The following PPFIA1 variants were observed in gnomAD, a reference collection of about 807,000 sequenced individuals.
The protein encoded by PPFIA1 is PPFI scaffold protein A1, also known as liprin-alpha-1.
PPFIA1 carries 25 observed loss-of-function variants against 149.9 expected under a neutral mutation model. That is an observed-to-expected ratio of 0.17 (90% CI 0.12 to 0.23). The LOEUF (loss-of-function observed/expected upper bound fraction) is 0.23, where lower values mean the gene tolerates loss of function less well. Among genes scored for constraint, PPFIA1 ranks in the 10% least tolerant of loss-of-function variants. The probability of loss-of-function intolerance (pLI) is 1.00; values close to 1 mark genes in which losing one functional copy is unlikely to be tolerated. For synonymous variants in PPFIA1, 549 were observed against 552.8 expected (o/e 0.99, Z 0.10); for missense variants, 1,362 against 1,506.5 (o/e 0.90, Z 1.59).
intron 16 of PPFIA1, chr11:70,351,061 C>A: frequency 9.0e-7 from 1 of 1,105,774 alleles, no homozygotes; most frequent in Non-Finnish European, 1.2e-6. Context: ...TTTGTATCTC[C>A]ATAATGTATT....
At chr11:70,279,819 G>A (rs2050637182) in intron 2 of PPFIA1, among the ~76,000 whole-genome samples, 1 of 148,760 alleles carries the variant, frequency 6.7e-6, no homozygotes, top group African/African-American at 2.5e-5. Context: ...GAACTCTTGG[G>A]CTCAAGCAGT....
chr11:70,314,833 A>G (rs926965469), intron 2 of PPFIA1, among the ~76,000 whole-genome samples: 6 of 152,212 alleles, frequency 3.9e-5, no homozygotes, highest in African/African-American at 1.4e-4. Context: ...AAAAATACCA[A>G]GACTGGGTAA....
chr11:70,272,538 G>C, intron 2 of PPFIA1, 102 bp downstream of exon 2: 1 of 1,332,182 alleles, frequency 7.5e-7, no homozygotes, highest in South Asian at 1.5e-5. Context: ...TTTCCGTAAC[G>C]ATTTGTGAAA....
At chr11:70,355,571 T>C in intron 17 of PPFIA1, 68 bp from the exon 18 acceptor site, 1 of 1,436,680 alleles carries the variant, frequency 7.0e-7, no homozygotes, top group Non-Finnish European at 9.4e-7. Context: ...GTAGGGAAGT[T>C]TGCGACTGTT....
At chr11:70,274,079 A>G (rs534841760) in intron 2 of PPFIA1, among the ~76,000 whole-genome samples, 5 of 152,294 alleles carry the variant, frequency 3.3e-5, no homozygotes, top group East Asian at 1.9e-4. Context: ...GATGATGCCA[A>G]CGGTTCACGT....
rs138338075 is a variant in PPFIA1 at position 70,343,759 on chromosome 11, G to A, written c.1798G>A (p.Val600Met). ...ACAAGCATTCGAGAGTGATGCTGAC[G>A]TGTCTGATGGTGAAGATGACAGGGA... ...VAQAFESDADVSDGEDDRDTL... is the reference protein window; with the variant it reads ...VAQAFESDADMSDGEDDRDTL... The change falls in exon 15 of 28, where the codon GTG becomes ATG. Residue 600 changes from valine (V) to methionine (M), a missense_variant. Around this residue, in one of 7 missense-constraint regions of PPFIA1, gnomAD observed 733 missense variants for 744.1 expected, o/e 0.99. Transcript: ENST00000253925. The A allele has an allele frequency of 9.9e-6, 16 of 1,614,240 alleles. No individual in the cohort carries two copies. The East Asian group carries it at 1.1e-4, about 11-fold the overall frequency.
At chr11:70,317,173 TA>T (rs1256964500) in intron 2 of PPFIA1, among the ~76,000 whole-genome samples, 2 of 152,172 alleles carry the variant, frequency 1.3e-5, no homozygotes, top group African/African-American at 4.8e-5. Context: ...TTTTCCTAAA[TA>T]GGAAAAAATG....
rs746390470 is a variant in PPFIA1, at chr11:70,339,164, G to GT, written c.1572-4dup. The GT allele has an allele frequency of 3.1e-6, 5 of 1,612,252 alleles. No individual in the cohort carries two copies. Among genetic ancestry groups the GT allele is most frequent in the Non-Finnish European group, 3.4e-6 (4 of 1,179,714 alleles). Reference sequence around the variant, plus strand: ...AATAATGATCATTCTTATTTTTCATGTTTCAGCCGACCCCACTTGGGCAGT... The same window carrying GT: ...AATAATGATCATTCTTATTTTTCATGTTTTCAGCCGACCCCACTTGGGCAGT... On this transcript the variant is annotated splice_region_variant and splice_polypyrimidine_tract_variant and intron_variant, in intron 13 of 27. Coordinates refer to ENST00000253925, the MANE Select transcript of PPFIA1 (RefSeq NM_003626.5).
intron 2 of PPFIA1, among the ~76,000 whole-genome samples, chr11:70,278,553 T>C (rs960032654): frequency 1.3e-5 from 2 of 152,230 alleles, no homozygotes; most frequent in African/African-American, 4.8e-5. Flanking sequence ...GGAGAGGATA[T>C]GACTTTTACT....
rs1565416348 is a variant in PPFIA1, at chr11:70,339,264, A to G, written c.1665A>G (p.Pro555=). 2 of 1,614,048 alleles carry G rather than the reference A, an allele frequency of 1.2e-6. No homozygotes were observed. Among genetic ancestry groups the G allele is most frequent in the Non-Finnish European group, 1.7e-6 (2 of 1,179,940 alleles). Residue 555 remains proline, a synonymous_variant, in exon 14 of 28, where the codon CCA becomes CCG. Coordinates refer to ENST00000253925, the MANE Select transcript of PPFIA1 (RefSeq NM_003626.5). Reference sequence around the variant, plus strand: ...GCACCAGTGCAGTGCTGCGGCGCCCACAGAAAGGCCGGCTGGCAGCCCTGC... The same window carrying G: ...GCACCAGTGCAGTGCTGCGGCGCCCGCAGAAAGGCCGGCTGGCAGCCCTGC... The part of the protein sequence containing the change: ...SYSTSAVLRR[P]QKGRLAALRD...
chr11:70,342,497 A>G (rs2055396391), intron 14 of PPFIA1, among the ~76,000 whole-genome samples: 1 of 152,144 alleles, frequency 6.6e-6, no homozygotes, highest in Non-Finnish European at 1.5e-5. Context: ...AGACACGGCC[A>G]CTCAGCACTG....
intron 13 of PPFIA1, among the ~76,000 whole-genome samples, chr11:70,338,947 A>C (rs926465258): frequency 6.6e-6 from 1 of 152,210 alleles, no homozygotes; most frequent in African/African-American, 2.4e-5. Context: ...GGCTGTCTGC[A>C]CAGCTTTTCC....
intron 2 of PPFIA1, among the ~76,000 whole-genome samples, chr11:70,292,927 T>C (rs921973075): frequency 6.6e-6 from 1 of 152,202 alleles, no homozygotes. Flanking sequence ...ACGGAGGGAC[T>C]TGTCTCTCAG....
At chr11:70,365,617 C>T in intron 21 of PPFIA1, 7 of 355,144 alleles carry the variant, frequency 2.0e-5, no homozygotes, top group South Asian at 1.5e-4. Flanking sequence ...TAGATTTTTT[C>T]CAGGAACTTC....
chr11:70,343,875 C>T lies in PPFIA1; in HGVS notation c.1914C>T (p.Ala638=). The stretch of plus-strand genomic sequence containing the variant: ...TGATGCTTCAGGAGCAGCTGGACGC[C>T]ATCAACAAAGAGATCAGGTGTGTGC... The part of the protein sequence containing the change: ...LAMMLQEQLD[A]INKEIRLIQE... The change falls in exon 15 of 28, where the codon GCC becomes GCT. Residue 638 remains alanine, a synonymous_variant. Transcript: ENST00000253925. 1.2e-6 allele frequency: 2 copies of T among 1,613,550 alleles called. No homozygotes were observed. Among genetic ancestry groups the T allele is most frequent in the Non-Finnish European group, 1.7e-6 (2 of 1,179,880 alleles).
At chr11:70,382,934 C>T (rs1396726664) in intron 27 of PPFIA1, 69 bp from the exon 28 acceptor site, 1 of 356,496 alleles carries the variant, frequency 2.8e-6, no homozygotes, top group African/African-American at 2.3e-5. Flanking sequence ...GCCCCAGCAT[C>T]AGAAGTTCCC....
intron 2 of PPFIA1, among the ~76,000 whole-genome samples, chr11:70,275,547 T>C (rs558551130): frequency 1.3e-5 from 2 of 152,358 alleles, no homozygotes; most frequent in African/African-American, 4.8e-5. Context: ...CTAAAAACTA[T>C]TTTTTAATCT....
intron 2 of PPFIA1, chr11:70,321,369 C>T (rs2053930166): frequency 6.6e-6 from 1 of 152,220 alleles, no homozygotes; most frequent in Non-Finnish European, 1.5e-5. Flanking sequence ...AGAGCACCAG[C>T]AACAGAAAAC....
At chr11:70,279,577 A>AT (rs34969846) in intron 2 of PPFIA1, among the ~76,000 whole-genome samples, 8,090 of 142,992 alleles carry the variant, frequency 0.057, 763 homozygotes, top group African/African-American at 0.19. Context: ...TACATTAGGC[A>AT]TTTTTTTTTT....
Sources: gnomAD v4.1 joint callset for allele counts (sites outside exome capture counted in the v4.1 genomes callset) on GRCh38, gnomAD v4.1.1 for gene constraint, gnomAD v4.1.1 regional missense constraint, MANE v1.5 for transcripts, NCBI Gene and HGNC (gene_info 2026-07-23, HGNC 2026-07-21) for gene names.